RFX7: variants seen among roughly 807,000 people sequenced by gnomAD.
RFX7 encodes the protein DNA-binding protein RFX7.
In RFX7, 26 loss-of-function variants were observed where a neutral mutation model predicts 111.8. The ratio of observed to expected loss-of-function variants is 0.23; its 90% CI spans 0.17 to 0.32. RFX7 has a LOEUF of 0.32. RFX7 is among the 10% of genes least tolerant of loss of function. The pLI is 1.00. For synonymous variants in RFX7, 624 were observed against 624.4 expected, an observed-to-expected ratio of 1.00 and a Z score of 0.01; for missense variants, 1,573 against 1,772.9, an observed-to-expected ratio of 0.89 and a Z score of 2.02.
chr15:56,128,083 G>C (rs1262844431), intron 5 of RFX7, among the ~76,000 whole-genome samples: 1 of 151,994 alleles, frequency 6.6e-6, no homozygotes, highest in African/African-American at 2.4e-5. Flanking sequence ...GACTCAAAAG[G>C]AAATAGATAA....
chr15:56,148,125 A>G (rs1403590860), intron 3 of RFX7, among the ~76,000 whole-genome samples: 2 of 152,242 alleles, frequency 1.3e-5, no homozygotes, highest in African/African-American at 4.8e-5. Flanking sequence ...TGAAAACTTA[A>G]AAGACCTCTT....
At chr15:56,236,406 T>A (rs1313098830) in intron 2 of RFX7, among the ~76,000 whole-genome samples, 2 of 152,158 alleles carry the variant, frequency 1.3e-5, no homozygotes, top group East Asian at 3.9e-4. Context: ...TATTGGCCCA[T>A]GCTTCTCATC....
intron 3 of RFX7, among the ~76,000 whole-genome samples, chr15:56,150,295 G>T (rs1312991459): frequency 6.6e-6 from 1 of 152,320 alleles, no homozygotes; most frequent in African/African-American, 2.4e-5. Context: ...TCCCAGTGCA[G>T]CGTTCCAGCT....
At chr15:56,242,917 A>C (rs1169110655) in intron 2 of RFX7, among the ~76,000 whole-genome samples, 1 of 152,200 alleles carries the variant, frequency 6.6e-6, no homozygotes, top group Non-Finnish European at 1.5e-5. Flanking sequence ...AAGGGGTAAA[A>C]GCATTTTTTA....
At chr15:56,121,305 T>C (rs2042075938) in intron 5 of RFX7, among the ~76,000 whole-genome samples, 1 of 152,206 alleles carries the variant, frequency 6.6e-6, no homozygotes, top group South Asian at 2.1e-4. Context: ...ATATGTCATG[T>C]CACTCTCTCC....
At chr15:56,175,527 A>G (rs1010052016) in intron 3 of RFX7, among the ~76,000 whole-genome samples, 6 of 152,284 alleles carry the variant, frequency 3.9e-5, no homozygotes, top group African/African-American at 1.4e-4. Flanking sequence ...CAGTGTAGTG[A>G]TGTCATAAAG....
chr15:56,221,782 C>T (rs528002274), intron 2 of RFX7, among the ~76,000 whole-genome samples: 1 of 152,290 alleles, frequency 6.6e-6, no homozygotes, highest in Non-Finnish European at 1.5e-5. Context: ...AGTTCATCAT[C>T]TTACAACAGT....
intron 2 of RFX7, among the ~76,000 whole-genome samples, chr15:56,212,058 A>G (rs1282500956): frequency 6.6e-6 from 1 of 152,176 alleles, no homozygotes; most frequent in African/African-American, 2.4e-5. Context: ...AAACTGGTAC[A>G]CGTTTTTAGT....
At chr15:56,203,188 G>A (rs1241839073) in intron 2 of RFX7, among the ~76,000 whole-genome samples, 2 of 152,166 alleles carry the variant, frequency 1.3e-5, no homozygotes, top group African/African-American at 4.8e-5. Flanking sequence ...ATCTGAAAAC[G>A]TGAGAAGCCA....
At chr15:56,201,903 C>T (rs1038129262) in intron 2 of RFX7, among the ~76,000 whole-genome samples, 4 of 151,976 alleles carry the variant, frequency 2.6e-5, no homozygotes, top group African/African-American at 9.7e-5. Context: ...CGGTGGCGGG[C>T]GCCTATAGTC....
At chr15:56,135,931 T>A (rs28895323) in intron 5 of RFX7, among the ~76,000 whole-genome samples, 7 of 152,128 alleles carry the variant, frequency 4.6e-5, no homozygotes, top group Non-Finnish European at 8.8e-5. Flanking sequence ...GTTGTAGATA[T>A]GCGGCATTAT....
At chr15:56,101,974 A>G (rs1365644065) in intron 7 of RFX7, among the ~76,000 whole-genome samples, 195 bp downstream of exon 7, 1 of 152,160 alleles carries the variant, frequency 6.6e-6, no homozygotes. Flanking sequence ...TAACTTCTAA[A>G]CTTTTGTTCC....
chr15:56,173,310 A>G (rs2042865619), intron 3 of RFX7, among the ~76,000 whole-genome samples: 1 of 152,220 alleles, frequency 6.6e-6, no homozygotes, highest in Admixed American at 6.5e-5. Flanking sequence ...GCTGAAACAA[A>G]CTTCAATACA....
At chr15:56,164,509 T>C (rs1369187626) in intron 3 of RFX7, among the ~76,000 whole-genome samples, 1 of 152,230 alleles carries the variant, frequency 6.6e-6, no homozygotes, top group South Asian at 2.1e-4. Flanking sequence ...AGGAAGGTTA[T>C]ACCCAGGGAA....
intron 5 of RFX7, among the ~76,000 whole-genome samples, chr15:56,107,955 G>A (rs1331813634): frequency 6.6e-6 from 1 of 152,126 alleles, no homozygotes; most frequent in African/African-American, 2.4e-5. Flanking sequence ...AGAAAATCTA[G>A]AAGAAATGGA....
intron 5 of RFX7, among the ~76,000 whole-genome samples, chr15:56,135,836 C>T (rs1222406783): frequency 1.3e-5 from 2 of 152,024 alleles, no homozygotes; most frequent in Non-Finnish European, 2.9e-5. Flanking sequence ...CTACATATGG[C>T]TAGCCAGTTT....
At chr15:56,195,669 T>C (rs1485227071) in intron 2 of RFX7, among the ~76,000 whole-genome samples, 1 of 152,154 alleles carries the variant, frequency 6.6e-6, no homozygotes, top group African/African-American at 2.4e-5. Flanking sequence ...ACTTTATGGG[T>C]TTATCAAATG....
intron 2 of RFX7, among the ~76,000 whole-genome samples, chr15:56,220,803 A>G (rs1596018760): frequency 1.3e-5 from 2 of 151,942 alleles, no homozygotes; most frequent in African/African-American, 4.8e-5. Flanking sequence ...GGGTTTTTAT[A>G]GTTTTAGGTT....
chr15:56,114,511 G>C (rs1245434395), intron 5 of RFX7, among the ~76,000 whole-genome samples: 1 of 151,680 alleles, frequency 6.6e-6, no homozygotes, highest in Non-Finnish European at 1.5e-5. Context: ...TCTGTGTTTT[G>C]GGCAGAACAA....
Sources: allele counts gnomAD v4.1 joint callset (sites outside exome capture counted in the v4.1 genomes callset), GRCh38; gene constraint gnomAD v4.1.1; transcripts MANE v1.5; gene names NCBI Gene and HGNC (gene_info 2026-07-23, HGNC 2026-07-21).